The following USP20 variants were observed in gnomAD, a reference collection of about 807,000 sequenced individuals.
USP20 encodes ubiquitin carboxyl-terminal hydrolase 20.
A neutral mutation model predicts 124.2 loss-of-function variants in USP20; 80 were observed. The ratio of observed to expected loss-of-function variants is 0.64; its 90% CI spans 0.54 to 0.78. The LOEUF (loss-of-function observed/expected upper bound fraction) is 0.78. Ranked by LOEUF, USP20 falls within the 30% of genes least tolerant of loss-of-function variation. The pLI, the probability that USP20 is intolerant of heterozygous loss-of-function variation, is 0.00. For missense variants in USP20, 1,043 were observed against 1,244.4 expected (o/e 0.84, Z 2.44); for synonymous variants, 481 against 512.3 (o/e 0.94, Z 0.83).
intron 22 of USP20, among the ~76,000 whole-genome samples, chr9:129,877,549 A>C (rs1362997804): frequency 6.6e-6 from 1 of 151,778 alleles, no homozygotes; most frequent in Non-Finnish European, 1.5e-5. Flanking sequence ...AGAGACTGTC[A>C]GGGCTGGGCC....
At chr9:129,857,863 C>G (rs1425224987) in intron 4 of USP20, among the ~76,000 whole-genome samples, 187 bp from the exon 5 acceptor site, 4 of 152,262 alleles carry the variant, frequency 2.6e-5, no homozygotes, top group Admixed American at 6.5e-5. Context: ...CTGTCCATCA[C>G]TGCCCAGCAG....
intron 7 of USP20, 59 bp downstream of exon 7, chr9:129,861,092 G>T: frequency 6.7e-7 from 1 of 1,484,834 alleles, no homozygotes; most frequent in Non-Finnish European, 9.4e-7. Flanking sequence ...TCATCTGGAG[G>T]CTGGAAACCG....
At chr9:129,860,784 T>G (rs745717414) in intron 6 of USP20, among the ~76,000 whole-genome samples, 153 bp from the exon 7 acceptor site, 13 of 152,192 alleles carry the variant, frequency 8.5e-5, no homozygotes, top group Non-Finnish European at 1.5e-4. Context: ...CAATCCTATC[T>G]CTTTTCACAG....
chr9:129,865,478 G>T, intron 10 of USP20, 97 bp downstream of exon 10: 1 of 1,324,186 alleles, frequency 7.6e-7, no homozygotes, highest in South Asian at 1.2e-5. Context: ...AATGGCAGCT[G>T]AGCACTGGTT....
chr9:129,871,553 C>T (rs2034129276), intron 15 of USP20, among the ~76,000 whole-genome samples: 2 of 152,178 alleles, frequency 1.3e-5, no homozygotes, highest in Admixed American at 1.3e-4. Flanking sequence ...CGAGGAGCCA[C>T]CGTACTGGGT....
At chr9:129,870,878 C>G (rs920215710) in intron 15 of USP20, among the ~76,000 whole-genome samples, 21 of 152,236 alleles carry the variant, frequency 1.4e-4, no homozygotes, top group Admixed American at 3.9e-4. Context: ...TATACTGGCT[C>G]TATGTATTTA....
At chr9:129,867,128 G>C (rs1186515551) in intron 10 of USP20, among the ~76,000 whole-genome samples, 1 of 152,138 alleles carries the variant, frequency 6.6e-6, no homozygotes, top group Admixed American at 6.5e-5. Context: ...GACTGCTGGG[G>C]CTGATTTGGG....
Position 129,874,770 on chromosome 9 carries a change from C to T in USP20, c.1921+14C>T. The T allele has an allele frequency of 6.2e-7, 1 of 1,613,778 alleles. No homozygotes were observed. Among genetic ancestry groups the T allele is most frequent in the East Asian group, 2.2e-5 (1 of 44,872 alleles). ...GCACGGCAGGCAGTGAGTCATGTCC[C>T]CTCCCCTGCCGTCCCCATCCGCTAG... On this transcript the variant is annotated intron_variant, in intron 18 of 25. Transcript: ENST00000372429.
intron 6 of USP20, among the ~76,000 whole-genome samples, chr9:129,859,660 A>G (rs2033433271): frequency 6.6e-6 from 1 of 152,204 alleles, no homozygotes; most frequent in South Asian, 2.1e-4. Context: ...GTAGATATTT[A>G]TGAATTTTTA....
chr9:129,855,552 T>TTCA (rs1338779337), intron 3 of USP20, among the ~76,000 whole-genome samples: 131 of 152,270 alleles, frequency 8.6e-4, no homozygotes, highest in African/African-American at 3.1e-3. Context: ...AGGTGGTTGC[T>TTCA]TCAGCTCCTG....
At chr9:129,867,081 G>A (rs1242501762) in intron 10 of USP20, among the ~76,000 whole-genome samples, 1 of 152,198 alleles carries the variant, frequency 6.6e-6, no homozygotes, top group Non-Finnish European at 1.5e-5. Flanking sequence ...GGGGATCAGA[G>A]CCTGGGCTGA....
intron 4 of USP20, among the ~76,000 whole-genome samples, chr9:129,857,275 G>T (rs1484212366): frequency 6.6e-6 from 1 of 152,222 alleles, no homozygotes; most frequent in Non-Finnish European, 1.5e-5. Context: ...GCAGGACGTG[G>T]TCCTACCTCA....
At chr9:129,866,030 G>A (rs2033804842) in intron 10 of USP20, among the ~76,000 whole-genome samples, 1 of 152,194 alleles carries the variant, frequency 6.6e-6, no homozygotes. Flanking sequence ...ATGAGACCAA[G>A]ACAGAGTGCA....
chr9:129,852,517 G>A, intron 2 of USP20, 23 bp from the exon 3 acceptor site: 1 of 1,564,140 alleles, frequency 6.4e-7, no homozygotes, highest in Admixed American at 1.9e-5. Flanking sequence ...CATTAACCCG[G>A]GATTGCTTGT....
At chr9:129,873,792 A>C in intron 17 of USP20, 48 bp downstream of exon 17, 1 of 1,595,748 alleles carries the variant, frequency 6.3e-7, no homozygotes, top group Non-Finnish European at 8.5e-7. Flanking sequence ...CTCGGGATGC[A>C]CACCAGCACA....
rs375362295 is a variant in USP20 at position 129,861,936 on chromosome 9, A to G, written c.497+324A>G. Among the ~76,000 whole-genome samples, 22 of 152,336 alleles carry G rather than the reference A, an allele frequency of 1.4e-4. No individual in the cohort carries two copies. In the East Asian group the frequency reaches 3.9e-3, roughly 27 times the overall value. On this transcript the variant is annotated intron_variant, in intron 8 of 25. Coordinates refer to ENST00000372429, the MANE Select transcript of USP20 (RefSeq NM_001110303.4). Reference sequence around the variant, plus strand: ...AGTGCAGGAAAAATGGCACAAGACAACATGCATTGAAACAAGAAGGGGTTC... The same window carrying G: ...AGTGCAGGAAAAATGGCACAAGACAGCATGCATTGAAACAAGAAGGGGTTC...
rs541689119 is a variant in USP20 at position 129,877,132 on chromosome 9, A to G, written c.2409+894A>G. 2.0e-5 allele frequency among the ~76,000 whole-genome samples: 3 copies of G among 152,310 alleles called. No homozygotes were observed. In the South Asian group the frequency reaches 6.2e-4, roughly 32 times the overall value. On this transcript the variant is annotated intron_variant, in intron 22 of 25. Transcript: ENST00000372429. ...GCTCCTGGCGCACTCCCTCCCTGCC[A>G]CGCTACTTCTAACAGGGTTAGGACG...
At chr9:129,875,671 G>T in intron 21 of USP20, 30 bp downstream of exon 21, 1 of 1,605,882 alleles carries the variant, frequency 6.2e-7, no homozygotes, top group Non-Finnish European at 8.5e-7. Flanking sequence ...ACTTGTCTCC[G>T]TCCTGTCCAG....
intron 22 of USP20, 36 bp from the exon 23 acceptor site, chr9:129,878,302 G>A: frequency 1.3e-6 from 2 of 1,504,468 alleles, no homozygotes; most frequent in South Asian, 2.4e-5. Flanking sequence ...AGACTGACCT[G>A]CCCTCTGTCT....
Sources: allele counts gnomAD v4.1 joint callset (sites outside exome capture counted in the v4.1 genomes callset), GRCh38; gene constraint gnomAD v4.1.1; transcripts MANE v1.5; gene names NCBI Gene and HGNC (gene_info 2026-07-23, HGNC 2026-07-21).